The following FAHD2A variants were observed in gnomAD, a reference collection of about 807,000 sequenced individuals.
FAHD2A encodes oxaloacetate tautomerase FAHD2A, mitochondrial.
FAHD2A carries 27 observed loss-of-function variants against 33.4 expected under a neutral mutation model. The ratio of observed to expected loss-of-function variants is 0.81; its 90% CI spans 0.60 to 1.11. The LOEUF (loss-of-function observed/expected upper bound fraction) is 1.11, where lower values mean the gene tolerates loss of function less well. Among genes scored for constraint, FAHD2A ranks in the 50% most tolerant of loss-of-function variants. FAHD2A has a pLI of 0.00. For synonymous variants in FAHD2A, 130 were observed against 153.3 expected (o/e 0.85, Z 1.12); for missense variants, 296 against 395.0 (o/e 0.75, Z 2.12).
chr2:95,409,521 C>T (rs1383302364), intron 3 of FAHD2A, among the ~76,000 whole-genome samples: 1 of 152,162 alleles, frequency 6.6e-6, no homozygotes, highest in Non-Finnish European at 1.5e-5. Context: ...GTTGGCTAGG[C>T]TGGTCTTGAA....
Position 95,407,036 on chromosome 2 carries a change from A to G in FAHD2A, c.341A>G (p.Asn114Ser). 6.2e-7 allele frequency: 1 copy of G among 1,613,844 alleles called. No individual in the cohort carries two copies. Among genetic ancestry groups the G allele is most frequent in the Non-Finnish European group, 8.5e-7 (1 of 1,179,866 alleles). Residue 114 changes from asparagine to serine, a missense_variant, in exon 3 of 8, where the codon AAT becomes AGT. Coordinates refer to ENST00000233379, the MANE Select transcript of FAHD2A (RefSeq NM_016044.3). The part of the protein sequence containing the change: ...RPDKVVCVGM[N>S]YVDHCKEQNV... ...GATAAGGTGGTGTGTGTGGGCATGA[A>G]TTATGTGGACCACTGCAAAGAACAG...
At position 95,414,299 on chromosome 2, in the gene FAHD2A, G is replaced by A. The variant is rs1323387404; in HGVS notation, c.*1342G>A. 2 of 1,200,550 alleles carry A rather than the reference G, an allele frequency of 1.7e-6. No homozygotes were observed. Among genetic ancestry groups the A allele is most frequent in the Non-Finnish European group, 2.5e-6 (2 of 808,056 alleles). The allele number at this position is 1,200,550 out of a possible 1,614,324, so 74.4% of individuals were successfully genotyped here. ...GCCTGCAGGAACTGGAACAGCTGTTGGAGAGGAGAAGAAAAAGAAGACATC... is the reference window on the plus strand; with the variant it reads ...GCCTGCAGGAACTGGAACAGCTGTTAGAGAGGAGAAGAAAAAGAAGACATC... On this transcript the variant is annotated 3_prime_UTR_variant, in exon 8 of 8. Transcript: ENST00000233379.
In FAHD2A at chr2:95,415,103, T is replaced by G. The variant is rs1683029838; in HGVS notation, c.*2146T>G. ...CAAGGACACTGCTCTACTCTAAATTTTTTGTCCCGAAGCCCCCAAATACTG... is the reference window on the plus strand; with the variant it reads ...CAAGGACACTGCTCTACTCTAAATTGTTTGTCCCGAAGCCCCCAAATACTG... On this transcript the variant is annotated 3_prime_UTR_variant, in exon 8 of 8. Transcript: ENST00000233379. 1 of 152,028 alleles carries G rather than the reference T, an allele frequency of 6.6e-6. No homozygotes were observed. 9.4% of individuals were successfully genotyped at this position (152,028 alleles called of 1,614,324 possible).
chr2:95,417,153 G>C (rs1340194992), downstream of FAHD2A, among the ~76,000 whole-genome samples: 1 of 152,358 alleles, frequency 6.6e-6, no homozygotes, highest in East Asian at 1.9e-4. Flanking sequence ...GACCTTGGGG[G>C]ACTATAGGGA....
At chr2:95,410,424 A>T (rs1682277398) in intron 3 of FAHD2A, 103 bp from the exon 4 acceptor site, 1 of 1,466,808 alleles carries the variant, frequency 6.8e-7, no homozygotes, top group Non-Finnish European at 9.3e-7. Context: ...CAGCGAAGCC[A>T]TACTGACAAA....
chr2:95,407,673 T>C (rs1681821222), intron 3 of FAHD2A, among the ~76,000 whole-genome samples: 3 of 152,240 alleles, frequency 2.0e-5, no homozygotes, highest in Admixed American at 6.5e-5. Context: ...AACATCCTTA[T>C]GTGGAAAAGG....
chr2:95,417,454 C>G (rs546807990), downstream of FAHD2A, among the ~76,000 whole-genome samples: 13 of 152,104 alleles, frequency 8.5e-5, no homozygotes, highest in East Asian at 1.6e-3. Flanking sequence ...GGCTCTCTAC[C>G]AGAGGCTTTG....
Position 95,402,748 on chromosome 2 carries a change from G to C in FAHD2A, c.-131G>C, listed in dbSNP as rs1680931562. 6.6e-6 allele frequency: 1 copy of C among 152,438 alleles called. No individual in the cohort carries two copies. Among genetic ancestry groups the C allele is most frequent in the Non-Finnish European group, 1.5e-5 (1 of 68,208 alleles). The allele number at this position is 152,438 out of a possible 1,614,324, so 9.4% of individuals were successfully genotyped here. A position where few individuals can be genotyped will look rare whatever the true frequency, so the allele number is the denominator to read the frequency against. ...GATCCGGCCGAGTGGCCCTGGGTTA[G>C]CAGCTGCTGCATTTCCCCGGCTGGC... On this transcript the variant is annotated 5_prime_UTR_variant, in exon 1 of 8. Transcript: ENST00000233379.
At position 95,413,943 on chromosome 2, in the gene FAHD2A, A is replaced by G; in HGVS notation, c.*986A>G. 1 of 1,257,682 alleles carries G rather than the reference A, an allele frequency of 8.0e-7. No homozygotes were observed. Among genetic ancestry groups the G allele is most frequent in the South Asian group, 1.2e-5 (1 of 83,762 alleles). The allele number at this position is 1,257,682 out of a possible 1,614,324, so 77.9% of individuals were successfully genotyped here. A position where few individuals can be genotyped will look rare whatever the true frequency, so the allele number is the denominator to read the frequency against. Reference sequence around the variant, plus strand: ...GGGAGCAGGGGGACAGAAGATGGTGACACTGGCTCCTCTCACCCCTAGGTC... The same window carrying G: ...GGGAGCAGGGGGACAGAAGATGGTGGCACTGGCTCCTCTCACCCCTAGGTC... On this transcript the variant is annotated 3_prime_UTR_variant, in exon 8 of 8. Coordinates refer to ENST00000233379, the MANE Select transcript of FAHD2A (RefSeq NM_016044.3).
In FAHD2A at chr2:95,407,024, G is replaced by A; in HGVS notation, c.329G>A (p.Cys110Tyr). 6.2e-7 allele frequency: 1 copy of A among 1,613,958 alleles called. No homozygotes were observed. Among genetic ancestry groups the A allele is most frequent in the African/African-American group, 1.3e-5 (1 of 75,052 alleles). Residue 110 changes from cysteine (C) to tyrosine (Y), a missense_variant, in exon 3 of 8, where the codon TGT (cysteine) becomes TAT (tyrosine). Cys to Tyr is a radical substitution (Grantham distance 194). Coordinates refer to ENST00000233379, the MANE Select transcript of FAHD2A (RefSeq NM_016044.3). ...GTCACACGACCAGATAAGGTGGTGT[G>A]TGTGGGCATGAATTATGTGGACCAC... ...APVTRPDKVV[C>Y]VGMNYVDHCK... is the part of the protein sequence containing the mutation.
chr2:95,412,352 A>G, intron 5 of FAHD2A, 82 bp from the exon 6 acceptor site: 1 of 1,543,452 alleles, frequency 6.5e-7, no homozygotes, highest in Non-Finnish European at 8.9e-7. Flanking sequence ...GTCACGAAGC[A>G]CCCCTACAGT....
Position 95,414,037 on chromosome 2 carries a change from A to T in FAHD2A, c.*1080A>T. 1 of 1,453,360 alleles carries T rather than the reference A, an allele frequency of 6.9e-7. No individual in the cohort carries two copies. The highest frequency in any genetic ancestry group is 9.7e-7 in the Non-Finnish European group (1 of 1,035,422). 90.0% of individuals were successfully genotyped at this position (1,453,360 alleles called of 1,614,324 possible). ...CACTCTGGAAAGAAGAGAGAAGTGAAGGCTCTAGGTAGGGAGGACAGGGAG... is the reference window on the plus strand; with the variant it reads ...CACTCTGGAAAGAAGAGAGAAGTGATGGCTCTAGGTAGGGAGGACAGGGAG... On this transcript the variant is annotated 3_prime_UTR_variant, in exon 8 of 8. Transcript: ENST00000233379.
rs536432804 is a variant in FAHD2A at position 95,410,466 on chromosome 2, C to T, written c.463-61C>T. 8 of 1,565,626 alleles carry T rather than the reference C, an allele frequency of 5.1e-6. No individual in the cohort carries two copies. In the South Asian group the frequency reaches 8.2e-5, roughly 16 times the overall value. On this transcript the variant is annotated intron_variant, in intron 3 of 7. Coordinates refer to ENST00000233379, the MANE Select transcript of FAHD2A (RefSeq NM_016044.3). ...GGCCCTTCAGCATGGTGTGCAGCCT[C>T]TCAGCATGGACAGTGGGCCCTGAAG...
intron 1 of FAHD2A, among the ~76,000 whole-genome samples, chr2:95,404,460 G>C (rs1214395147): frequency 6.6e-6 from 1 of 152,010 alleles, no homozygotes; most frequent in Non-Finnish European, 1.5e-5. Context: ...CACTCGGCGA[G>C]TTTTTTGTAT....
At chr2:95,416,915 A>G (rs1329650422), downstream of FAHD2A, among the ~76,000 whole-genome samples, 3 of 152,224 alleles carry the variant, frequency 2.0e-5, no homozygotes, top group East Asian at 5.8e-4. Flanking sequence ...CACCCAGGAC[A>G]ACCTCTCCAA....
At position 95,413,099 on chromosome 2, in the gene FAHD2A, T is replaced by C; in HGVS notation, c.*142T>C. On this transcript the variant is annotated 3_prime_UTR_variant, in exon 8 of 8. Transcript: ENST00000233379. ...TCGGTAGAAGGGAGAAGGACAGAGC[T>C]CTCTTCAATAAATTCGTCAGGTCAA... The C allele has an allele frequency of 8.1e-7, 1 of 1,240,680 alleles. No individual in the cohort carries two copies. The highest frequency in any genetic ancestry group is 1.1e-6 in the Non-Finnish European group (1 of 895,622). 76.9% of individuals were successfully genotyped at this position (1,240,680 alleles called of 1,614,324 possible). A position where few individuals can be genotyped will look rare whatever the true frequency, so the allele number is the denominator to read the frequency against.
intron 3 of FAHD2A, among the ~76,000 whole-genome samples, chr2:95,407,680 A>G (rs1293874565): frequency 6.6e-5 from 10 of 152,244 alleles, no homozygotes; most frequent in African/African-American, 2.4e-4. Context: ...TTATGTGGAA[A>G]AGGCTTTGCA....
In FAHD2A at chr2:95,413,910, A is replaced by T; in HGVS notation, c.*953A>T. 1 of 1,064,706 alleles carries T rather than the reference A, an allele frequency of 9.4e-7. No individual in the cohort carries two copies. Among genetic ancestry groups the T allele is most frequent in the Non-Finnish European group, 1.5e-6 (1 of 681,700 alleles). 66.0% of individuals were successfully genotyped at this position (1,064,706 alleles called of 1,614,324 possible). The stretch of plus-strand genomic sequence containing the variant: ...TAGCTGGGTTTCCCTGAGCCACTCT[A>T]TTGGGGTGGGAGCAGGGGGACAGAA... On this transcript the variant is annotated 3_prime_UTR_variant, in exon 8 of 8. Transcript: ENST00000233379.
intron 7 of FAHD2A, 59 bp downstream of exon 7, chr2:95,412,823 C>A (rs1682764864): frequency 1.1e-5 from 17 of 1,614,250 alleles, no homozygotes; most frequent in Non-Finnish European, 1.4e-5. Context: ...TTGCCTCAGA[C>A]TTGAGAAGTA....
Sources: gnomAD v4.1 joint callset for allele counts (sites outside exome capture counted in the v4.1 genomes callset) on GRCh38, gnomAD v4.1.1 for gene constraint, MANE v1.5 for transcripts, NCBI Gene and HGNC (gene_info 2026-07-23, HGNC 2026-07-21) for gene names.